The following SLC27A6 variants were observed in gnomAD, a reference collection of about 807,000 sequenced individuals.
The protein encoded by SLC27A6 is long-chain fatty acid transport protein 6.
In SLC27A6, 74 loss-of-function variants were observed where a neutral mutation model predicts 63.9. The ratio of observed to expected loss-of-function variants is 1.16; its 90% CI spans 0.96 to 1.40. The LOEUF is 1.40. Ranked by LOEUF, SLC27A6 falls within the 40% of genes most tolerant of loss-of-function variation. SLC27A6 has a pLI of 0.00. For synonymous variants in SLC27A6, 287 were observed against 260.8 expected, an observed-to-expected ratio of 1.10 and a Z score of -0.97; for missense variants, 794 against 732.9, an observed-to-expected ratio of 1.08 and a Z score of -0.96.
Position 128,966,077 on chromosome 5 carries a change from T to C in SLC27A6, c.-61T>C. 1 of 1,511,122 alleles carries C rather than the reference T, an allele frequency of 6.6e-7. No homozygotes were observed. Among genetic ancestry groups the C allele is most frequent in the South Asian group, 1.4e-5 (1 of 72,552 alleles). 93.6% of individuals were successfully genotyped at this position (1,511,122 alleles called of 1,614,324 possible). A position where few individuals can be genotyped will look rare whatever the true frequency, so the allele number is the denominator to read the frequency against. Reference sequence around the variant, plus strand: ...TGCGGTCTCCGTGGAGAGCTGTGCCTGGAAGAGAAGGACGCTGGTGGGGGC... The same window carrying C: ...TGCGGTCTCCGTGGAGAGCTGTGCCCGGAAGAGAAGGACGCTGGTGGGGGC... On this transcript the variant is annotated 5_prime_UTR_variant, in exon 1 of 10. Transcript: ENST00000262462.
intron 4 of SLC27A6, among the ~76,000 whole-genome samples, chr5:129,012,198 G>A (rs1164800658): frequency 4.6e-5 from 7 of 150,672 alleles, no homozygotes; most frequent in Non-Finnish European, 1.0e-4. Flanking sequence ...AATTTTCATT[G>A]TAATTTTTTT....
At chr5:128,970,137 T>C (rs528697107) in intron 1 of SLC27A6, among the ~76,000 whole-genome samples, 3 of 148,472 alleles carry the variant, frequency 2.0e-5, no homozygotes, top group Non-Finnish European at 3.0e-5. Context: ...GTGGATAAGC[T>C]TTTTGATGTT....
Position 129,028,507 on chromosome 5 carries a change from G to T in SLC27A6, c.1552+65G>T, listed in dbSNP as rs927851244. ...AGAATTGCCACTATTCTCTAGTTTTGCAACAGTCTTGCTAATTCAACATTT... is the reference window on the plus strand; with the variant it reads ...AGAATTGCCACTATTCTCTAGTTTTTCAACAGTCTTGCTAATTCAACATTT... On this transcript the variant is annotated intron_variant, in intron 8 of 9. Coordinates refer to ENST00000262462, the MANE Select transcript of SLC27A6 (RefSeq NM_001017372.3). 1.5e-5 allele frequency: 14 copies of T among 960,948 alleles called. No individual in the cohort carries two copies. The African/African-American group carries it at 2.3e-4, about 16-fold the overall frequency. 59.5% of individuals were successfully genotyped at this position (960,948 alleles called of 1,614,324 possible).
chr5:129,027,138 C>A lies in SLC27A6; in HGVS notation c.1261C>A (p.Pro421Thr), dbSNP rs374974700. Residue 421 changes from proline to threonine, a missense_variant, in exon 7 of 10, where the codon CCT (proline) becomes ACT (threonine). Coordinates refer to ENST00000262462, the MANE Select transcript of SLC27A6 (RefSeq NM_001017372.3). ...AATGTCGTTCTTTCTTGCAGGAGAA[C>A]CTGGACTTCTCATTTCTCGAGTGAA... is the stretch of plus-strand genomic sequence containing the variant. ...GWCIHVKKGE[P>T]GLLISRVNAK... 6.2e-7 allele frequency: 1 copy of A among 1,612,920 alleles called. No individual in the cohort carries two copies.
At chr5:129,007,097 A>C (rs545074510) in intron 4 of SLC27A6, among the ~76,000 whole-genome samples, 16 of 152,310 alleles carry the variant, frequency 1.1e-4, no homozygotes, top group Non-Finnish European at 2.1e-4. Context: ...AGAAAATTTT[A>C]AATCACATAT....
At chr5:129,032,184 A>C (rs901400673) in intron 9 of SLC27A6, among the ~76,000 whole-genome samples, 6 of 152,016 alleles carry the variant, frequency 3.9e-5, no homozygotes, top group African/African-American at 1.4e-4. Flanking sequence ...AAATACCTAA[A>C]CATTTGTTTA....
intron 1 of SLC27A6, among the ~76,000 whole-genome samples, chr5:128,970,271 G>A (rs931296807): frequency 2.0e-5 from 3 of 151,880 alleles, no homozygotes; most frequent in Admixed American, 6.6e-5. Context: ...GGATGATGTT[G>A]GCCTCATGAA....
chr5:128,999,155 TAACTC>T (rs1751252186), intron 4 of SLC27A6, among the ~76,000 whole-genome samples: 1 of 152,134 alleles, frequency 6.6e-6, no homozygotes, highest in Non-Finnish European at 1.5e-5. Flanking sequence ...ATTAATGAGT[TAACTC>T]AAGTAGAAAC....
At chr5:129,014,011 G>C (rs1026729682) in intron 4 of SLC27A6, among the ~76,000 whole-genome samples, 1 of 152,112 alleles carries the variant, frequency 6.6e-6, no homozygotes, top group Non-Finnish European at 1.5e-5. Flanking sequence ...CCAGAAGTCA[G>C]TATCTTTTCT....
In SLC27A6 at chr5:128,966,474, A is replaced by G; in HGVS notation, c.337A>G (p.Ser113Gly). The G allele has an allele frequency of 6.2e-7, 1 of 1,609,054 alleles. No homozygotes were observed. Among genetic ancestry groups the G allele is most frequent in the South Asian group, 1.1e-5 (1 of 89,976 alleles). ...KKGDTVALLM[S>G]NEPDFVHVWF... Reference sequence around the variant, plus strand: ...GGGGGACACGGTGGCTCTGCTGATGAGCAATGAGCCGGACTTCGTTCACGT... The same window carrying G: ...GGGGGACACGGTGGCTCTGCTGATGGGCAATGAGCCGGACTTCGTTCACGT... The change falls in exon 1 of 10, where the codon AGC becomes GGC. Residue 113 changes from serine to glycine, a missense_variant. Ser to Gly is a moderately conservative substitution (Grantham distance 56, BLOSUM62 0). Coordinates refer to ENST00000262462, the MANE Select transcript of SLC27A6 (RefSeq NM_001017372.3).
At chr5:128,988,908 C>A in intron 3 of SLC27A6, 150 bp downstream of exon 3, 1 of 607,132 alleles carries the variant, frequency 1.6e-6, no homozygotes. Flanking sequence ...AAAAAAACTA[C>A]ACAATTTTAT....
At chr5:128,970,273 C>T (rs1316079101) in intron 1 of SLC27A6, among the ~76,000 whole-genome samples, 2 of 151,590 alleles carry the variant, frequency 1.3e-5, no homozygotes, top group Admixed American at 1.3e-4. Context: ...ATGATGTTGG[C>T]CTCATGAATT....
intron 1 of SLC27A6, among the ~76,000 whole-genome samples, chr5:128,971,516 C>G (rs1017814952): frequency 5.7e-5 from 8 of 141,042 alleles, no homozygotes; most frequent in African/African-American, 2.0e-4. Flanking sequence ...TATGTAAGGG[C>G]CTTCTTTGTC....
chr5:129,016,471 T>C (rs1751901821), intron 5 of SLC27A6, among the ~76,000 whole-genome samples: 1 of 149,182 alleles, frequency 6.7e-6, no homozygotes, highest in Non-Finnish European at 1.5e-5. Flanking sequence ...TTGTAAATTG[T>C]GGTAAATATT....
intron 6 of SLC27A6, among the ~76,000 whole-genome samples, chr5:129,024,333 A>C (rs1375867558): frequency 6.6e-6 from 1 of 152,194 alleles, no homozygotes; most frequent in Admixed American, 6.6e-5. Context: ...TTAGTGAATT[A>C]ATTTATCACT....
chr5:129,007,852 C>T (rs989717753), intron 4 of SLC27A6, among the ~76,000 whole-genome samples: 20 of 151,990 alleles, frequency 1.3e-4, no homozygotes, highest in Non-Finnish European at 2.6e-4. Flanking sequence ...AACAATGTAG[C>T]AGTTCAAAAA....
rs1752316566 is a variant in SLC27A6 at position 129,028,459 on chromosome 5, G to C, written c.1552+17G>C. On this transcript the variant is annotated intron_variant, in intron 8 of 9. Coordinates refer to ENST00000262462, the MANE Select transcript of SLC27A6 (RefSeq NM_001017372.3). ...CTATATCAGGTATAAATATATTTCA[G>C]ATTTTGGAAAGATTCTTAGAATAGA... The C allele has an allele frequency of 2.1e-6, 3 of 1,455,676 alleles. No individual in the cohort carries two copies. Among genetic ancestry groups the C allele is most frequent in the Non-Finnish European group, 2.9e-6 (3 of 1,048,688 alleles). 90.2% of individuals were successfully genotyped at this position (1,455,676 alleles called of 1,614,324 possible).
chr5:129,004,914 T>A (rs535362725), intron 4 of SLC27A6, among the ~76,000 whole-genome samples: 2 of 152,328 alleles, frequency 1.3e-5, no homozygotes, highest in South Asian at 4.1e-4. Flanking sequence ...TGTCATTCTG[T>A]TGAGCCTGCT....
At position 129,015,799 on chromosome 5, in the gene SLC27A6, C is replaced by T. The variant is rs545901561; in HGVS notation, c.970-86C>T. 5.4e-5 allele frequency: 51 copies of T among 942,402 alleles called. No individual in the cohort carries two copies. In the Admixed American group the frequency reaches 5.6e-4, roughly 10 times the overall value. The allele number at this position is 942,402 out of a possible 1,614,324, so 58.4% of individuals were successfully genotyped here. A position where few individuals can be genotyped will look rare whatever the true frequency, so the allele number is the denominator to read the frequency against. On this transcript the variant is annotated intron_variant, in intron 4 of 9. Coordinates refer to ENST00000262462, the MANE Select transcript of SLC27A6 (RefSeq NM_001017372.3). ...TCTGTTATTGCACATATGCAGTTTA[C>T]GTCTATGATATTTTTCATTTAAATA...
Sources: gnomAD v4.1 joint callset for allele counts (sites outside exome capture counted in the v4.1 genomes callset) on GRCh38, gnomAD v4.1.1 for gene constraint, MANE v1.5 for transcripts, NCBI Gene and HGNC (gene_info 2026-07-23, HGNC 2026-07-21) for gene names.